Variants in L2HGDH observed in about 807,000 individuals in gnomAD.
L2HGDH encodes L-2-hydroxyglutarate dehydrogenase, mitochondrial.
Under a neutral mutation model 51.5 loss-of-function variants are expected in L2HGDH, and 34 were observed. The observed-to-expected ratio is 0.66, with a 90% CI of 0.50 to 0.88. The LOEUF (loss-of-function observed/expected upper bound fraction) is 0.88, where lower values mean the gene tolerates loss of function less well. L2HGDH is among the 40% of genes least tolerant of loss of function. L2HGDH has a pLI of 0.00. For missense variants in L2HGDH, 558 were observed against 571.9 expected, an observed-to-expected ratio of 0.98 and a Z score of 0.25; for synonymous variants, 198 against 197.9, an observed-to-expected ratio of 1.00 and a Z score of -0.01.
chr14:50,250,694 T>G (rs1035097524), intron 9 of L2HGDH, among the ~76,000 whole-genome samples: 2 of 152,168 alleles, frequency 1.3e-5, no homozygotes, highest in African/African-American at 4.8e-5. Context: ...TCCAGGGGGT[T>G]TAGCACAGAC....
chr14:50,244,560 T>A lies in L2HGDH; in HGVS notation c.*2498A>T. ...CATTTCTTGCAGGAATCAGCTGTTA[T>A]AAAGAAACATTAGGGCTTGTTTCTT... On this transcript the variant is annotated 3_prime_UTR_variant, in exon 10 of 10. Coordinates refer to ENST00000267436, the MANE Select transcript of L2HGDH (RefSeq NM_024884.3). 1.0e-6 allele frequency: 1 copy of A among 985,452 alleles called. No homozygotes were observed. Among genetic ancestry groups the A allele is most frequent in the South Asian group, 4.7e-5 (1 of 21,282 alleles). The allele number at this position is 985,452 out of a possible 1,614,324, so 61.0% of individuals were successfully genotyped here. A position where few individuals can be genotyped will look rare whatever the true frequency, so the allele number is the denominator to read the frequency against.
At chr14:50,264,567 G>A (rs1428091045) in intron 9 of L2HGDH, among the ~76,000 whole-genome samples, 1 of 152,160 alleles carries the variant, frequency 6.6e-6, no homozygotes, top group Non-Finnish European at 1.5e-5. Context: ...GTCTAGGAGT[G>A]TGTTTCTAAC....
At chr14:50,302,376 T>C (rs1179835032) in intron 2 of L2HGDH, among the ~76,000 whole-genome samples, 3 of 152,212 alleles carry the variant, frequency 2.0e-5, no homozygotes, top group Non-Finnish European at 4.4e-5. Context: ...ACTACAACTT[T>C]GGTGCACAAA....
intron 4 of L2HGDH, 147 bp downstream of exon 4, chr14:50,293,968 T>C: frequency 8.7e-6 from 8 of 918,874 alleles, no homozygotes; most frequent in South Asian, 1.5e-5. Flanking sequence ...TTTGTGACAA[T>C]GCCCTCTTGT....
chr14:50,303,132 CGT>C, intron 1 of L2HGDH, 115 bp from the exon 2 acceptor site: 2 of 721,902 alleles, frequency 2.8e-6, no homozygotes. Flanking sequence ...ATCATGAAAA[CGT>C]ATTCGGCGGC....
intron 5 of L2HGDH, 67 bp from the exon 6 acceptor site, chr14:50,278,621 C>T: frequency 1.2e-6 from 1 of 842,558 alleles, no homozygotes; most frequent in Non-Finnish European, 2.0e-6. Flanking sequence ...AAATATCATA[C>T]TAGAAACAAA....
chr14:50,286,281 GA>G (rs1890559623), intron 4 of L2HGDH, among the ~76,000 whole-genome samples: 1 of 152,140 alleles, frequency 6.6e-6, no homozygotes, highest in South Asian at 2.1e-4. Flanking sequence ...CCCAGAGAGG[GA>G]GCAGTCAAGA....
In L2HGDH at chr14:50,247,065, T is replaced by C. The variant is rs1888045124; in HGVS notation, c.1385A>G (p.Glu462Gly). Residue 462 changes from glutamate (E) to glycine (G), a missense_variant, in exon 10 of 10, where the codon GAA becomes GGA. Transcript: ENST00000267436. ...CCTAGCTCCTTTCATTATTTATAAT[T>C]CAAATCTTTGTTGTACTTCATCTGC... ...MIADEVQQRF[E>G]L 6.2e-7 allele frequency: 1 copy of C among 1,613,146 alleles called. No homozygotes were observed. Among genetic ancestry groups the C allele is most frequent in the Non-Finnish European group, 8.5e-7 (1 of 1,179,408 alleles).
chr14:50,293,195 C>T (rs992540358), intron 4 of L2HGDH: 6 of 701,518 alleles, frequency 8.6e-6, no homozygotes, highest in African/African-American at 3.5e-5. Flanking sequence ...GACATAGACC[C>T]GCCACATACC....
rs1887953957 is a variant in L2HGDH at position 50,245,488 on chromosome 14, T to C, written c.*1570A>G. The C allele has an allele frequency of 1.0e-6, 1 of 981,782 alleles. No homozygotes were observed. Among genetic ancestry groups the C allele is most frequent in the Non-Finnish European group, 1.2e-6 (1 of 826,596 alleles). 60.8% of individuals were successfully genotyped at this position (981,782 alleles called of 1,614,324 possible). Reference sequence around the variant, plus strand: ...AAATAATAAAGGCTTTGAGTTTGTTTTGTTATTTCCTACAAATATTATAAT... The same window carrying C: ...AAATAATAAAGGCTTTGAGTTTGTTCTGTTATTTCCTACAAATATTATAAT... On this transcript the variant is annotated 3_prime_UTR_variant, in exon 10 of 10. Transcript: ENST00000267436.
At chr14:50,269,090 A>G (rs1889515767) in intron 7 of L2HGDH, 73 bp downstream of exon 7, 4 of 1,391,964 alleles carry the variant, frequency 2.9e-6, no homozygotes, top group Non-Finnish European at 3.1e-6. Flanking sequence ...GACCCAAGTG[A>G]AAGTTGTTTT....
At chr14:50,292,884 CA>C (rs111974155) in intron 4 of L2HGDH, among the ~76,000 whole-genome samples, 19 of 131,684 alleles carry the variant, frequency 1.4e-4, no homozygotes, top group Middle Eastern at 3.9e-3. Context: ...GACTGCATCT[CA>C]AAAAAAAAAA....
At chr14:50,274,237 C>G (rs924423707) in intron 6 of L2HGDH, among the ~76,000 whole-genome samples, 10 of 151,786 alleles carry the variant, frequency 6.6e-5, no homozygotes, top group Admixed American at 6.6e-5. Context: ...CATGATCATG[C>G]CACTGGACTT....
intron 8 of L2HGDH, among the ~76,000 whole-genome samples, chr14:50,266,159 T>C (rs1213420273): frequency 7.5e-6 from 1 of 133,112 alleles, no homozygotes; most frequent in Admixed American, 7.4e-5. Context: ...AAAAAAAAAA[T>C]ACAGAGGTAA....
intron 1 of L2HGDH, among the ~76,000 whole-genome samples, chr14:50,310,394 G>T (rs1197324713): frequency 6.6e-6 from 1 of 152,028 alleles, no homozygotes. Context: ...AATTTCCAAT[G>T]GATCTATAAT....
intron 9 of L2HGDH, among the ~76,000 whole-genome samples, chr14:50,252,214 G>C (rs887171362): frequency 6.6e-6 from 1 of 151,702 alleles, no homozygotes; most frequent in Non-Finnish European, 1.5e-5. Context: ...TAAAATAGTG[G>C]GTTATAAGAT....
rs182845019 is a variant in L2HGDH at position 50,284,786 on chromosome 14, G to A, written c.541-753C>T. Among the ~76,000 whole-genome samples the A allele has an allele frequency of 2.0e-3, 305 of 152,206 alleles. 1 individual carries two copies. The highest frequency in any genetic ancestry group is 6.4e-3 in the African/African-American group (266 of 41,516). On this transcript the variant is annotated intron_variant, in intron 4 of 9. Coordinates refer to ENST00000267436, the MANE Select transcript of L2HGDH (RefSeq NM_024884.3). Reference sequence around the variant, plus strand: ...CTGGTATCCAGGATAACATCCAGACGGTGAGTGCTATTAATAAATTCTGCC... The same window carrying A: ...CTGGTATCCAGGATAACATCCAGACAGTGAGTGCTATTAATAAATTCTGCC...
intron 1 of L2HGDH, among the ~76,000 whole-genome samples, chr14:50,306,216 A>G (rs1364825073): frequency 1.3e-5 from 2 of 151,552 alleles, no homozygotes; most frequent in Non-Finnish European, 2.9e-5. Context: ...ATGCCCAGCT[A>G]ATTTTTGTAT....
At chr14:50,260,641 G>A (rs1414950287) in intron 9 of L2HGDH, among the ~76,000 whole-genome samples, 1 of 152,034 alleles carries the variant, frequency 6.6e-6, no homozygotes, top group Non-Finnish European at 1.5e-5. Context: ...GTATTTCAAG[G>A]ATGTTTATCA....
Sources: gnomAD v4.1 joint callset for allele counts (sites outside exome capture counted in the v4.1 genomes callset) on GRCh38, gnomAD v4.1.1 for gene constraint, MANE v1.5 for transcripts, NCBI Gene and HGNC (gene_info 2026-07-23, HGNC 2026-07-21) for gene names.